Variants in PCCA observed in about 807,000 individuals in gnomAD.
PCCA encodes the protein propionyl-CoA carboxylase alpha chain, mitochondrial.
A neutral mutation model predicts 101.3 loss-of-function variants in PCCA; 74 were observed. That is an observed-to-expected ratio of 0.73 (90% CI 0.61 to 0.89). The LOEUF (loss-of-function observed/expected upper bound fraction) is 0.89. Among genes scored for constraint, PCCA ranks in the 40% least tolerant of loss-of-function variants. PCCA has a pLI of 0.00. For synonymous variants in PCCA, 294 were observed against 313.6 expected (o/e 0.94, Z 0.66); for missense variants, 891 against 907.0 (o/e 0.98, Z 0.23).
intron 9 of PCCA, among the ~76,000 whole-genome samples, chr13:100,260,397 G>GT (rs1555397129): frequency 1.0e-4 from 15 of 149,260 alleles, no homozygotes; most frequent in African/African-American, 3.0e-4. Context: ...GTGTGTGTGT[G>GT]TTTTTTTTTT....
chr13:100,256,731 C>T (rs1463076481), intron 8 of PCCA, among the ~76,000 whole-genome samples: 1 of 152,134 alleles, frequency 6.6e-6, no homozygotes, highest in Non-Finnish European at 1.5e-5. Flanking sequence ...TGTAAGGGCT[C>T]ACTGAGCTCT....
At chr13:100,465,627 C>T (rs1283601204) in intron 21 of PCCA, among the ~76,000 whole-genome samples, 1 of 152,180 alleles carries the variant, frequency 6.6e-6, no homozygotes, top group Non-Finnish European at 1.5e-5. Context: ...TTGGACAATT[C>T]TCTGTTGTGG....
At chr13:100,357,109 G>A (rs1271134912) in intron 18 of PCCA, among the ~76,000 whole-genome samples, 1 of 152,138 alleles carries the variant, frequency 6.6e-6, no homozygotes, top group Admixed American at 6.5e-5. Context: ...ACGTTTTAAA[G>A]TTGCTTGTGG....
chr13:100,221,333 G>A (rs377542677), intron 7 of PCCA, among the ~76,000 whole-genome samples: 9 of 152,196 alleles, frequency 5.9e-5, no homozygotes, highest in Admixed American at 1.3e-4. Context: ...TGAGGGGGTC[G>A]CTCAGTGGGC....
At chr13:100,294,334 TG>T (rs1418161029) in intron 12 of PCCA, among the ~76,000 whole-genome samples, 1 of 152,182 alleles carries the variant, frequency 6.6e-6, no homozygotes, top group East Asian at 1.9e-4. Flanking sequence ...ATACGAATTT[TG>T]GGGGGTACAC....
intron 4 of PCCA, among the ~76,000 whole-genome samples, chr13:100,152,848 A>C (rs1337934131): frequency 2.0e-5 from 3 of 152,240 alleles, no homozygotes; most frequent in African/African-American, 7.2e-5. Context: ...CGGTATCATT[A>C]CGAAAGTGTA....
At chr13:100,380,755 C>G (rs2076179106) in intron 19 of PCCA, among the ~76,000 whole-genome samples, 1 of 152,112 alleles carries the variant, frequency 6.6e-6, no homozygotes, top group Non-Finnish European at 1.5e-5. Flanking sequence ...TGTTCAACAT[C>G]AAGATTAAAA....
intron 21 of PCCA, among the ~76,000 whole-genome samples, chr13:100,451,464 G>A (rs546296412): frequency 3.9e-5 from 6 of 152,162 alleles, no homozygotes; most frequent in Non-Finnish European, 5.9e-5. Flanking sequence ...GGGCCACACA[G>A]AGCTGCATTA....
intron 21 of PCCA, among the ~76,000 whole-genome samples, chr13:100,469,018 C>G (rs2152952753): frequency 6.6e-6 from 1 of 151,518 alleles, no homozygotes; most frequent in East Asian, 2.0e-4. Flanking sequence ...TCGAGAGCAG[C>G]CTGACCAACA....
intron 4 of PCCA, among the ~76,000 whole-genome samples, chr13:100,141,146 G>A (rs561035680): frequency 6.6e-6 from 1 of 152,012 alleles, no homozygotes; most frequent in Non-Finnish European, 1.5e-5. Context: ...ACACTTTACC[G>A]TGACATTCAA....
intron 6 of PCCA, among the ~76,000 whole-genome samples, chr13:100,172,173 C>G (rs1254552866): frequency 6.6e-6 from 1 of 150,906 alleles, no homozygotes; most frequent in Non-Finnish European, 1.5e-5. Flanking sequence ...TACACTCCAG[C>G]CTGGGTGACA....
At chr13:100,415,243 A>G (rs1443294710) in intron 19 of PCCA, among the ~76,000 whole-genome samples, 1 of 151,236 alleles carries the variant, frequency 6.6e-6, no homozygotes, top group Non-Finnish European at 1.5e-5. Flanking sequence ...CCTCTACAAA[A>G]AAAAAAAAAA....
intron 19 of PCCA, among the ~76,000 whole-genome samples, chr13:100,397,545 A>G (rs948710007): frequency 2.0e-5 from 3 of 152,124 alleles, no homozygotes; most frequent in Non-Finnish European, 2.9e-5. Flanking sequence ...TGAAATTTCT[A>G]TTTTGATTCA....
intron 7 of PCCA, among the ~76,000 whole-genome samples, chr13:100,227,418 T>C (rs2060207662): frequency 6.6e-6 from 1 of 152,202 alleles, no homozygotes; most frequent in African/African-American, 2.4e-5. Context: ...TTACTACCAT[T>C]TAGTTAGTTT....
chr13:100,298,672 C>CTCCTTCCTTCCT (rs1162874306), intron 12 of PCCA, among the ~76,000 whole-genome samples: 2 of 3,108 alleles, frequency 6.4e-4, no homozygotes, highest in African/African-American at 9.9e-4. Context: ...CCCTCCCTCC[C>CTCCTTCCTTCCT]TCCTTCCTTC....
chr13:100,451,165 A>G, intron 21 of PCCA, among the ~76,000 whole-genome samples: 1 of 152,076 alleles, frequency 6.6e-6, no homozygotes, highest in East Asian at 1.9e-4. Context: ...AGGCCCACCC[A>G]CTGTGGAGGG....
intron 1 of PCCA, among the ~76,000 whole-genome samples, chr13:100,098,888 C>T (rs2047014415): frequency 6.6e-6 from 1 of 152,288 alleles, no homozygotes; most frequent in South Asian, 2.1e-4. Flanking sequence ...AAAAGCTGTG[C>T]TTCCAGGAAA....
intron 18 of PCCA, among the ~76,000 whole-genome samples, chr13:100,350,937 T>C (rs2073192833): frequency 6.6e-6 from 1 of 152,246 alleles, no homozygotes. Flanking sequence ...TAATTTCATA[T>C]CATACAGCTA....
At chr13:100,433,414 GTCCT>G (rs2079696453) in intron 20 of PCCA, among the ~76,000 whole-genome samples, 1 of 152,054 alleles carries the variant, frequency 6.6e-6, no homozygotes, top group African/African-American at 2.4e-5. Context: ...TCTAGGATGT[GTCCT>G]TCCTATATTG....
Sources: allele counts gnomAD v4.1 joint callset (sites outside exome capture counted in the v4.1 genomes callset), GRCh38; gene constraint gnomAD v4.1.1; transcripts MANE v1.5; gene names NCBI Gene and HGNC (gene_info 2026-07-23, HGNC 2026-07-21).